CD84: variants seen among roughly 807,000 people sequenced by gnomAD.
CD84 encodes CD84 molecule, also known as SLAM family member 5.
Under a neutral mutation model 33.8 loss-of-function variants are expected in CD84, and 22 were observed. The observed-to-expected ratio is 0.65, with a 90% CI of 0.46 to 0.93. The LOEUF (loss-of-function observed/expected upper bound fraction) is 0.93. Among genes scored for constraint, CD84 ranks in the 40% least tolerant of loss-of-function variants. CD84 has a pLI of 0.00. For synonymous variants in CD84, 154 were observed against 145.2 expected (o/e 1.06, Z -0.44); for missense variants, 400 against 397.6 (o/e 1.01, Z -0.05).
In CD84 at chr1:160,543,487, G is replaced by A. The variant is rs1359995792; in HGVS notation, c.*4769C>T. 1 of 152,104 alleles carries A rather than the reference G, an allele frequency of 6.6e-6. No individual in the cohort carries two copies. The highest frequency in any genetic ancestry group is 2.4e-5 in the African/African-American group (1 of 41,512). The allele number at this position is 152,104 out of a possible 1,614,324, so 9.4% of individuals were successfully genotyped here. On this transcript the variant is annotated 3_prime_UTR_variant, in exon 7 of 7. Coordinates refer to ENST00000368054, the MANE Select transcript of CD84 (RefSeq NM_003874.4). ...GAAGAATTAATTTCTACTTTACAAGGCTGTCATGAGTATTGACAACAATGT... is the reference window on the plus strand; with the variant it reads ...GAAGAATTAATTTCTACTTTACAAGACTGTCATGAGTATTGACAACAATGT...
intron 2 of CD84, among the ~76,000 whole-genome samples, chr1:160,555,955 A>C (rs1656581438): frequency 6.6e-6 from 1 of 152,248 alleles, no homozygotes; most frequent in Non-Finnish European, 1.5e-5. Context: ...AAGACTTGGA[A>C]TAAACCCAAA....
At chr1:160,551,841 T>A (rs1029621007) in intron 4 of CD84, among the ~76,000 whole-genome samples, 2 of 152,216 alleles carry the variant, frequency 1.3e-5, no homozygotes, top group Non-Finnish European at 2.9e-5. Context: ...CACAGCACCC[T>A]GCCAGTTCAC....
rs1043510269 is a variant in CD84 at position 160,546,829 on chromosome 1, A to T, written c.*1427T>A. 6.7e-5 allele frequency: 20 copies of T among 296,640 alleles called. No individual in the cohort carries two copies. The highest frequency in any genetic ancestry group is 1.2e-4 in the Non-Finnish European group (19 of 161,462). 18.4% of individuals were successfully genotyped at this position (296,640 alleles called of 1,614,324 possible). On this transcript the variant is annotated 3_prime_UTR_variant, in exon 7 of 7. Transcript: ENST00000368054. ...ATTGTCTCCTGAGCTACACAAGAGCAGACATTATGCACATCTTCTACTTTG... is the reference window on the plus strand; with the variant it reads ...ATTGTCTCCTGAGCTACACAAGAGCTGACATTATGCACATCTTCTACTTTG...
chr1:160,553,227 A>G, intron 4 of CD84, 151 bp downstream of exon 4: 3 of 1,232,584 alleles, frequency 2.4e-6, no homozygotes, highest in Non-Finnish European at 3.5e-6. Context: ...CCATCCTCAG[A>G]GCCATCATTC....
chr1:160,565,633 A>G lies in CD84; in HGVS notation c.159T>C (p.Ala53=). Residue 53 remains alanine (A), a synonymous_variant, in exon 2 of 7, where the codon GCT becomes GCC. Transcript: ENST00000368054. The part of the protein sequence containing the change: ...IQEPRQVKII[A]WTSKTSVAYV... ...AAGCAACAGATGTTTTAGAAGTCCA[A>G]GCAATGATTTTAACTTGCCGTGGTT... 1 of 1,614,034 alleles carries G rather than the reference A, an allele frequency of 6.2e-7. No homozygotes were observed. Among genetic ancestry groups the G allele is most frequent in the Non-Finnish European group, 8.5e-7 (1 of 1,179,922 alleles).
chr1:160,559,464 A>C (rs886677066), intron 2 of CD84, among the ~76,000 whole-genome samples: 2 of 152,210 alleles, frequency 1.3e-5, no homozygotes, highest in African/African-American at 4.8e-5. Context: ...CCTGCCTTGC[A>C]AGAGCTCCTG....
chr1:160,568,716 G>T, intron 1 of CD84, among the ~76,000 whole-genome samples: 1 of 151,870 alleles, frequency 6.6e-6, no homozygotes. Context: ...CACCTCCCGG[G>T]TTCAGGCAGT....
In CD84 at chr1:160,565,542, G is replaced by A. The variant is rs907105760; in HGVS notation, c.250C>T (p.Arg84Trp). 9.3e-6 allele frequency: 15 copies of A among 1,613,954 alleles called. 1 individual carries two copies. In the Admixed American group the frequency reaches 1.3e-4, roughly 14 times the overall value. ...VTVTHRNYYE[R>W]IHALGPNYNL... Reference sequence around the variant, plus strand: ...TAGTTCGGACCTAAGGCATGTATCCGTTCATAATAATTTCTGTGGGTCACA... The same window carrying A: ...TAGTTCGGACCTAAGGCATGTATCCATTCATAATAATTTCTGTGGGTCACA... The change falls in exon 2 of 7, where the codon CGG becomes TGG. Residue 84 changes from arginine to tryptophan, a missense_variant. Physicochemically the swap from Arg to Trp is moderately radical, Grantham distance 101. Transcript: ENST00000368054.
At chr1:160,557,240 C>T (rs532797845) in intron 2 of CD84, among the ~76,000 whole-genome samples, 178 of 152,310 alleles carry the variant, frequency 1.2e-3, no homozygotes, top group African/African-American at 4.1e-3. Flanking sequence ...CCAACATTAG[C>T]GTTCTTTCCG....
rs920644511 is a variant in CD84, at chr1:160,545,358, T to A, written c.*2898A>T. 9 of 152,160 alleles carry A rather than the reference T, an allele frequency of 5.9e-5. No individual in the cohort carries two copies. The highest frequency in any genetic ancestry group is 1.3e-4 in the Non-Finnish European group (9 of 68,034). 9.4% of individuals were successfully genotyped at this position (152,160 alleles called of 1,614,324 possible). ...GAGAATAAAGATGTTTGGGAATGAG[T>A]CTTCAACGCATCCACAGAGTGAGGA... is the stretch of plus-strand genomic sequence containing the variant. On this transcript the variant is annotated 3_prime_UTR_variant, in exon 7 of 7. Transcript: ENST00000368054.
At chr1:160,562,886 A>G (rs1031317313) in intron 2 of CD84, among the ~76,000 whole-genome samples, 6 of 151,468 alleles carry the variant, frequency 4.0e-5, no homozygotes, top group African/African-American at 9.7e-5. Context: ...GAAAAAACAA[A>G]CAGAAAAAAA....
chr1:160,560,577 T>A (rs1307248211), intron 2 of CD84, among the ~76,000 whole-genome samples: 1 of 151,696 alleles, frequency 6.6e-6, no homozygotes, highest in Non-Finnish European at 1.5e-5. Flanking sequence ...ACATCACAAC[T>A]AAAAGAACTA....
chr1:160,558,324 C>T (rs1656742679), intron 2 of CD84, among the ~76,000 whole-genome samples: 1 of 152,096 alleles, frequency 6.6e-6, no homozygotes. Context: ...CTCGTGATAC[C>T]TCCAGGTATA....
chr1:160,551,091 T>A (rs1656187516), intron 4 of CD84, 56 bp from the exon 5 acceptor site: 12 of 1,234,850 alleles, frequency 9.7e-6, no homozygotes, highest in Non-Finnish European at 1.4e-5. Flanking sequence ...TTTTTAGCAA[T>A]GATCTATTCC....
intron 2 of CD84, among the ~76,000 whole-genome samples, chr1:160,562,869 G>A (rs1440694992): frequency 1.3e-5 from 2 of 150,258 alleles, no homozygotes; most frequent in African/African-American, 2.4e-5. Context: ...TTAAACAAAC[G>A]TTTAAGGAAA....
In CD84 at chr1:160,542,571, C is replaced by T. The variant is rs1010732859; in HGVS notation, c.*5685G>A. The T allele has an allele frequency of 6.6e-6, 1 of 152,156 alleles. No individual in the cohort carries two copies. The highest frequency in any genetic ancestry group is 1.5e-5 in the Non-Finnish European group (1 of 68,012). The allele number at this position is 152,156 out of a possible 1,614,324, so 9.4% of individuals were successfully genotyped here. Reference sequence around the variant, plus strand: ...AATAATCTATGTAATTATTTGCCTACAATAAGAACTTATAAGAAAAATATT... The same window carrying T: ...AATAATCTATGTAATTATTTGCCTATAATAAGAACTTATAAGAAAAATATT... On this transcript the variant is annotated 3_prime_UTR_variant, in exon 7 of 7. Coordinates refer to ENST00000368054, the MANE Select transcript of CD84 (RefSeq NM_003874.4).
intron 1 of CD84, among the ~76,000 whole-genome samples, chr1:160,568,389 G>T (rs1420754177): frequency 6.6e-6 from 1 of 152,122 alleles, no homozygotes; most frequent in African/African-American, 2.4e-5. Context: ...GCTGTTATTT[G>T]TGCTGCTGGT....
intron 2 of CD84, among the ~76,000 whole-genome samples, chr1:160,555,818 T>C (rs1656572410): frequency 6.6e-6 from 1 of 152,170 alleles, no homozygotes; most frequent in Non-Finnish European, 1.5e-5. Flanking sequence ...TAAGAACCAT[T>C]ATCTTGCGTT....
intron 2 of CD84, among the ~76,000 whole-genome samples, chr1:160,555,218 G>A (rs1248670314): frequency 6.6e-6 from 1 of 151,674 alleles, no homozygotes; most frequent in Non-Finnish European, 1.5e-5. Flanking sequence ...GGAGTAGCTG[G>A]GACTACAGGT....
Sources: gnomAD v4.1 joint callset for allele counts (sites outside exome capture counted in the v4.1 genomes callset) on GRCh38, gnomAD v4.1.1 for gene constraint, MANE v1.5 for transcripts, NCBI Gene and HGNC (gene_info 2026-07-23, HGNC 2026-07-21) for gene names.